Variants in TAS2R1 observed in about 807,000 individuals in gnomAD.
TAS2R1 encodes the protein taste receptor type 2 member 1.
For missense variants in TAS2R1, 370 were observed against 353.4 expected (o/e 1.05, Z -0.38); for synonymous variants, 141 against 134.2 (o/e 1.05, Z -0.35).
At chr5:9,786,816 C>T in the TAS2R1 span, among the ~76,000 whole-genome samples, 1 of 152,166 alleles carries the variant, frequency 6.6e-6, no homozygotes, top group Non-Finnish European at 1.5e-5. Context: ...TATGAGCTGC[C>T]CCCAACCTTG....
At position 9,629,418 on chromosome 5, in the gene TAS2R1, G is replaced by A. The variant is rs1203010195; in HGVS notation, c.615C>T (p.Thr205=). 1.2e-6 allele frequency: 2 copies of A among 1,613,914 alleles called. No individual in the cohort carries two copies. Among genetic ancestry groups the A allele is most frequent in the Non-Finnish European group, 1.7e-6 (2 of 1,180,036 alleles). Residue 205 remains threonine (T), a synonymous_variant, in exon 1 of 1, where the codon ACC becomes ACT. Coordinates refer to ENST00000382492, the MANE Select transcript of TAS2R1 (RefSeq NM_019599.3). ...LLLIFSLGRH[T]RQMRNTVAGS... The stretch of plus-strand genomic sequence containing the variant: ...CGGCCACTGTGTTTCTCATTTGCCG[G>A]GTGTGCCTCCCCAGAGAGAAAATCA...
rs577349438 is a variant in TAS2R1, at chr5:9,706,536, A to C, written c.-242+5636T>G. On this transcript the variant is annotated intron_variant, in intron 1 of 2. Transcript: ENST00000506620. ...GGACCAGGCTAGTGAGAGTTAGACA[A>C]AATGTCCATGCTCCAGGAAACAATG... Among the ~76,000 whole-genome samples the C allele has an allele frequency of 2.0e-5, 3 of 152,340 alleles. No individual in the cohort carries two copies. The East Asian group carries it at 5.8e-4, about 29-fold the overall frequency.
At chr5:9,827,292 C>A in the TAS2R1 span, among the ~76,000 whole-genome samples, 1 of 152,162 alleles carries the variant, frequency 6.6e-6, no homozygotes, top group Non-Finnish European at 1.5e-5. Context: ...ATTCTACCTG[C>A]AACACGACAT....
chr5:9,859,850 T>C, the TAS2R1 span, among the ~76,000 whole-genome samples: 2 of 152,156 alleles, frequency 1.3e-5, no homozygotes, highest in Non-Finnish European at 2.9e-5. Context: ...ACAAAGACAA[T>C]AATTCTTACC....
the TAS2R1 span, among the ~76,000 whole-genome samples, chr5:9,831,554 A>G: frequency 2.0e-5 from 3 of 152,098 alleles, no homozygotes; most frequent in African/African-American, 7.2e-5. Flanking sequence ...TGGGGGATGC[A>G]ATTACGTTTT....
At chr5:9,741,058 G>A in the TAS2R1 span, among the ~76,000 whole-genome samples, 1 of 152,134 alleles carries the variant, frequency 6.6e-6, no homozygotes, top group African/African-American at 2.4e-5. Flanking sequence ...CAGGAATTAG[G>A]TATTTCTCTC....
At chr5:9,813,034 G>T in the TAS2R1 span, among the ~76,000 whole-genome samples, 1 of 152,202 alleles carries the variant, frequency 6.6e-6, no homozygotes, top group East Asian at 1.9e-4. Flanking sequence ...GTTGAGGAAT[G>T]TGAACTTATT....
At chr5:9,667,335 C>T (rs1579775023) in intron 1 of TAS2R1, among the ~76,000 whole-genome samples, 1 of 152,208 alleles carries the variant, frequency 6.6e-6, no homozygotes, top group Admixed American at 6.5e-5. Flanking sequence ...AGCCTAGAGG[C>T]TCTACCTCTG....
chr5:9,698,466 T>G (rs1741409310), intron 1 of TAS2R1, among the ~76,000 whole-genome samples: 1 of 152,206 alleles, frequency 6.6e-6, no homozygotes, highest in Non-Finnish European at 1.5e-5. Flanking sequence ...CTGAGCGATA[T>G]TTTTCAATGG....
At chr5:9,884,347 G>A in the TAS2R1 span, among the ~76,000 whole-genome samples, 7 of 151,890 alleles carry the variant, frequency 4.6e-5, no homozygotes, top group South Asian at 2.1e-4. Flanking sequence ...GGTGGTGGGC[G>A]CCTGTAATCC....
At chr5:9,761,443 T>C in the TAS2R1 span, among the ~76,000 whole-genome samples, 2 of 150,742 alleles carry the variant, frequency 1.3e-5, no homozygotes, top group South Asian at 2.1e-4. Flanking sequence ...AGTTAGATGA[T>C]AGAAAATGGA....
At chr5:9,699,929 T>C (rs1051868629) in intron 1 of TAS2R1, among the ~76,000 whole-genome samples, 6 of 152,160 alleles carry the variant, frequency 3.9e-5, no homozygotes, top group Non-Finnish European at 8.8e-5. Context: ...GAATCACAAG[T>C]ATGCATCCCT....
the TAS2R1 span, among the ~76,000 whole-genome samples, chr5:9,748,723 G>C: frequency 1.3e-5 from 2 of 152,172 alleles, no homozygotes; most frequent in Non-Finnish European, 2.9e-5. Flanking sequence ...TATTCATGAG[G>C]AGTCTGCCTC....
rs192501128 is a variant in TAS2R1 at position 9,669,951 on chromosome 5, T to A, written c.-241-10370A>T. 1.3e-4 allele frequency among the ~76,000 whole-genome samples: 19 copies of A among 151,974 alleles called. No individual in the cohort carries two copies. In the East Asian group the frequency reaches 3.5e-3, roughly 28 times the overall value. On this transcript the variant is annotated intron_variant, in intron 1 of 2. Transcript: ENST00000506620. ...GAGACACAAAAAAACATATAAAAGA[T>A]CAAAGAATCTACAAATTGATTTTTT...
upstream of TAS2R1, among the ~76,000 whole-genome samples, chr5:9,632,023 G>A (rs1739881397): frequency 6.6e-6 from 1 of 152,192 alleles, no homozygotes; most frequent in South Asian, 2.1e-4. Flanking sequence ...AAGAAACTTT[G>A]CAACTTAGAA....
At chr5:9,838,156 C>G in the TAS2R1 span, among the ~76,000 whole-genome samples, 2 of 152,154 alleles carry the variant, frequency 1.3e-5, no homozygotes, top group African/African-American at 4.8e-5. Context: ...AAGCACAGAT[C>G]CCTGGGTATA....
chr5:9,795,363 T>C, the TAS2R1 span, among the ~76,000 whole-genome samples: 1 of 152,160 alleles, frequency 6.6e-6, no homozygotes, highest in African/African-American at 2.4e-5. Context: ...AGTAATATCT[T>C]CAAAAGCTAA....
chr5:9,745,334 T>C, the TAS2R1 span, among the ~76,000 whole-genome samples: 2 of 152,182 alleles, frequency 1.3e-5, no homozygotes, highest in Non-Finnish European at 2.9e-5. Flanking sequence ...AAATTTATTA[T>C]GGTTGGACAT....
chr5:9,718,252 A>T, the TAS2R1 span, among the ~76,000 whole-genome samples: 1 of 150,224 alleles, frequency 6.7e-6, no homozygotes, highest in Non-Finnish European at 1.5e-5. Flanking sequence ...TACAGGCGTG[A>T]GCCACTGCGC....
Sources: gnomAD v4.1 joint callset for allele counts (sites outside exome capture counted in the v4.1 genomes callset) on GRCh38, gnomAD v4.1.1 for gene constraint, MANE v1.5 for transcripts, NCBI Gene and HGNC (gene_info 2026-07-23, HGNC 2026-07-21) for gene names.